The following ARID4B variants were observed in gnomAD, a reference collection of about 807,000 sequenced individuals.
ARID4B encodes AT-rich interaction domain 4B, also known as AT-rich interactive domain-containing protein 4B.
Under a neutral mutation model 147.5 loss-of-function variants are expected in ARID4B, and 26 were observed. The ratio of observed to expected loss-of-function variants is 0.18; its 90% CI spans 0.13 to 0.24. The LOEUF is 0.24. ARID4B is among the 10% of genes least tolerant of loss of function. The pLI, the probability that ARID4B is intolerant of heterozygous loss-of-function variation, is 1.00. For missense variants in ARID4B, 1,179 were observed against 1,511.5 expected (o/e 0.78, Z 3.65); for synonymous variants, 512 against 507.9 (o/e 1.01, Z -0.11).
At chr1:235,209,563 G>GTTTTTTTTTTTTT (rs374681138) in intron 17 of ARID4B, among the ~76,000 whole-genome samples, 5 of 137,156 alleles carry the variant, frequency 3.6e-5, no homozygotes, top group African/African-American at 8.6e-5. Flanking sequence ...TTTGTTTTTT[G>GTTTTTTTTTTTTT]TTTTGTTTTT....
chr1:235,268,110 C>T (rs1336930436), intron 2 of ARID4B, among the ~76,000 whole-genome samples: 1 of 151,874 alleles, frequency 6.6e-6, no homozygotes, highest in East Asian at 1.9e-4. Flanking sequence ...AGTCCTGTGG[C>T]GGAGGACATG....
intron 8 of ARID4B, among the ~76,000 whole-genome samples, chr1:235,239,768 A>T (rs572227654): frequency 2.2e-3 from 333 of 152,342 alleles, no homozygotes; most frequent in African/African-American, 7.8e-3. Flanking sequence ...AATGCAAAAT[A>T]TTCAACCTGG....
chr1:235,297,714 C>CA (rs985400737), intron 2 of ARID4B, among the ~76,000 whole-genome samples: 35 of 149,708 alleles, frequency 2.3e-4, no homozygotes, highest in Non-Finnish European at 4.3e-4. Flanking sequence ...CAATGCTCAC[C>CA]AAAAAAAAAT....
intron 2 of ARID4B, among the ~76,000 whole-genome samples, chr1:235,261,985 G>C (rs1347403938): frequency 6.6e-6 from 1 of 152,140 alleles, no homozygotes; most frequent in Non-Finnish European, 1.5e-5. Flanking sequence ...ATAAATGTAA[G>C]CTAAAAGATC....
intron 11 of ARID4B, among the ~76,000 whole-genome samples, chr1:235,227,830 ATTTT>A (rs1166758894): frequency 2.4e-5 from 3 of 125,314 alleles, no homozygotes; most frequent in Admixed American, 1.6e-4. Flanking sequence ...CTTTTCTGCT[ATTTT>A]TTTTTTTTTT....
At chr1:235,229,457 G>A (rs924717662) in intron 10 of ARID4B, 72 bp from the exon 11 acceptor site, 30 of 1,094,198 alleles carry the variant, frequency 2.7e-5, no homozygotes, top group Admixed American at 1.4e-4. Flanking sequence ...TATTAAACAC[G>A]ATAAAGAAAT....
At chr1:235,210,551 T>A (rs900982044) in intron 17 of ARID4B, among the ~76,000 whole-genome samples, 1 of 115,104 alleles carries the variant, frequency 8.7e-6, no homozygotes, top group Non-Finnish European at 1.9e-5. Flanking sequence ...GACAGACTGA[T>A]TATTGCAGAA....
At chr1:235,302,558 G>C (rs1367325308) in intron 2 of ARID4B, among the ~76,000 whole-genome samples, 2 of 152,156 alleles carry the variant, frequency 1.3e-5, no homozygotes, top group Non-Finnish European at 2.9e-5. Context: ...TTCAACACCT[G>C]TTTCTTTTTA....
intron 10 of ARID4B, among the ~76,000 whole-genome samples, chr1:235,230,078 G>C (rs919023232): frequency 6.6e-6 from 1 of 152,160 alleles, no homozygotes; most frequent in African/African-American, 2.4e-5. Context: ...GAGCCTTGTG[G>C]TTAAGGATGT....
At chr1:235,246,066 G>C (rs191075017) in intron 7 of ARID4B, among the ~76,000 whole-genome samples, 2 of 152,218 alleles carry the variant, frequency 1.3e-5, no homozygotes, top group African/African-American at 4.8e-5. Context: ...TTAAGGCATG[G>C]ACAAGACAGT....
At chr1:235,309,730 A>C (rs1673909946) in intron 2 of ARID4B, among the ~76,000 whole-genome samples, 1 of 152,042 alleles carries the variant, frequency 6.6e-6, no homozygotes, top group African/African-American at 2.4e-5. Context: ...GTGGAATAGA[A>C]AGGGGGGAAA....
chr1:235,313,543 C>T (rs1349416813), intron 2 of ARID4B, among the ~76,000 whole-genome samples: 5 of 152,106 alleles, frequency 3.3e-5, no homozygotes, highest in African/African-American at 4.8e-5. Flanking sequence ...GCTGACTACA[C>T]CACATCAGAA....
Position 235,168,526 on chromosome 1 carries a change from C to A in ARID4B, c.3938G>T (p.Ter1313LeuextTer14). ...AAAGTGCTTTAGCAAGTCCTGCTGT[C>A]ACCTGCACTCAACTGACATTCCATT... ...SQNGMSVECR[*>L] The change falls in exon 24 of 24, where the codon TGA becomes TTA. Residue 1313 changes from the stop codon to leucine (L), a stop_lost. Coordinates refer to ENST00000264183, the MANE Select transcript of ARID4B (RefSeq NM_016374.6). 1.2e-6 allele frequency: 2 copies of A among 1,613,912 alleles called. No individual in the cohort carries two copies. The highest frequency in any genetic ancestry group is 2.2e-5 in the South Asian group (2 of 91,026).
At chr1:235,209,236 G>A (rs1251164690) in intron 17 of ARID4B, among the ~76,000 whole-genome samples, 1 of 152,108 alleles carries the variant, frequency 6.6e-6, no homozygotes, top group Non-Finnish European at 1.5e-5. Flanking sequence ...CCACTTACGG[G>A]GGCAGAGGTG....
chr1:235,271,209 G>A (rs1259376769), intron 2 of ARID4B, among the ~76,000 whole-genome samples: 1 of 151,904 alleles, frequency 6.6e-6, no homozygotes, highest in African/African-American at 2.4e-5. Flanking sequence ...TGAAAAATAA[G>A]CCAGAAGAGG....
chr1:235,201,068 C>A lies in ARID4B; in HGVS notation c.1842-4953G>T, dbSNP rs546911510. Among the ~76,000 whole-genome samples the A allele has an allele frequency of 2.6e-5, 4 of 152,176 alleles. No individual in the cohort carries two copies. In the South Asian group the frequency reaches 8.3e-4, roughly 32 times the overall value. On this transcript the variant is annotated intron_variant, in intron 17 of 23. Coordinates refer to ENST00000264183, the MANE Select transcript of ARID4B (RefSeq NM_016374.6). ...GCTGGGGTAGGAGAATCACTTGAAC[C>A]CAGGAGGCAGAGGTGGCAGTGAGCC...
intron 22 of ARID4B, among the ~76,000 whole-genome samples, chr1:235,174,351 T>A (rs906812616): frequency 6.6e-6 from 1 of 152,058 alleles, no homozygotes; most frequent in Admixed American, 6.5e-5. Flanking sequence ...ATCAGAAATA[T>A]CTAGTCAGTG....
intron 19 of ARID4B, among the ~76,000 whole-genome samples, chr1:235,188,363 A>G (rs372105689): frequency 1.3e-5 from 2 of 152,204 alleles, no homozygotes; most frequent in East Asian, 1.9e-4. Context: ...AGAAACCTCA[A>G]TAATTACTGA....
intron 16 of ARID4B, among the ~76,000 whole-genome samples, chr1:235,219,322 A>G (rs373486469): frequency 6.6e-6 from 1 of 152,222 alleles, no homozygotes; most frequent in South Asian, 2.1e-4. Flanking sequence ...TTGTCAAATA[A>G]TTCATCATTC....
Sources: gnomAD v4.1 joint callset for allele counts (sites outside exome capture counted in the v4.1 genomes callset) on GRCh38, gnomAD v4.1.1 for gene constraint, MANE v1.5 for transcripts, NCBI Gene and HGNC (gene_info 2026-07-23, HGNC 2026-07-21) for gene names.